Variants in LUZP2 observed in about 807,000 individuals in gnomAD.
The protein encoded by LUZP2 is leucine zipper protein 2.
Under a neutral mutation model 51.6 loss-of-function variants are expected in LUZP2, and 52 were observed. That is an observed-to-expected ratio of 1.01 (90% confidence interval 0.81 to 1.27). The LOEUF (loss-of-function observed/expected upper bound fraction) is 1.27. LUZP2 is among the 50% of genes most tolerant of loss of function. The pLI, the probability that LUZP2 is intolerant of heterozygous loss-of-function variation, is 0.00. For synonymous variants in LUZP2, 154 were observed against 137.3 expected, an observed-to-expected ratio of 1.12 and a Z score of -0.85; for missense variants, 436 against 395.4, an observed-to-expected ratio of 1.10 and a Z score of -0.87.
At chr11:24,756,069 C>T (rs1859762402) in intron 4 of LUZP2, among the ~76,000 whole-genome samples, 1 of 152,112 alleles carries the variant, frequency 6.6e-6, no homozygotes, top group Non-Finnish European at 1.5e-5. Flanking sequence ...TCACCACCCC[C>T]CTTATGTTAA....
intron 5 of LUZP2, among the ~76,000 whole-genome samples, chr11:24,876,259 T>C (rs11028243): frequency 0.05 from 7,330 of 147,508 alleles, 563 homozygotes; most frequent in African/African-American, 0.17. Context: ...TAATCCATCT[T>C]GAATTAATTT....
chr11:25,006,359 T>A (rs1447610326), intron 9 of LUZP2, among the ~76,000 whole-genome samples: 1 of 152,136 alleles, frequency 6.6e-6, no homozygotes, highest in African/African-American at 2.4e-5. Flanking sequence ...GCGACATGAC[T>A]TTGATAGTTC....
chr11:24,587,772 T>C (rs1322817976), intron 1 of LUZP2, among the ~76,000 whole-genome samples: 2 of 152,114 alleles, frequency 1.3e-5, no homozygotes, highest in Non-Finnish European at 2.9e-5. Flanking sequence ...TTTTTCAGTC[T>C]AGACAGTTTT....
intron 1 of LUZP2, among the ~76,000 whole-genome samples, chr11:24,515,906 C>A (rs2133787734): frequency 1.3e-5 from 2 of 152,162 alleles, no homozygotes. Flanking sequence ...AATTTTTTGT[C>A]CTGTCATGTT....
At chr11:24,745,427 C>T (rs1342067636) in intron 4 of LUZP2, among the ~76,000 whole-genome samples, 1 of 152,072 alleles carries the variant, frequency 6.6e-6, no homozygotes, top group Non-Finnish European at 1.5e-5. Flanking sequence ...GTGATATTTT[C>T]TTGTTGGACA....
At chr11:24,835,489 C>A (rs890621992) in intron 5 of LUZP2, among the ~76,000 whole-genome samples, 4 of 152,080 alleles carry the variant, frequency 2.6e-5, no homozygotes, top group African/African-American at 7.2e-5. Context: ...AGCTTCTGCA[C>A]AGCAAAATAA....
At chr11:24,910,641 C>T (rs1853598429) in intron 6 of LUZP2, among the ~76,000 whole-genome samples, 1 of 152,212 alleles carries the variant, frequency 6.6e-6, no homozygotes, top group Non-Finnish European at 1.5e-5. Context: ...GTTTGGGAAC[C>T]TCCACCTACA....
At chr11:25,016,651 C>G (rs1219482886) in intron 9 of LUZP2, among the ~76,000 whole-genome samples, 2 of 151,684 alleles carry the variant, frequency 1.3e-5, no homozygotes, top group African/African-American at 4.8e-5. Flanking sequence ...GTGTGTACCA[C>G]ATTTTCTTTA....
intron 5 of LUZP2, among the ~76,000 whole-genome samples, chr11:24,799,640 A>G (rs1332491621): frequency 2.0e-5 from 3 of 152,044 alleles, no homozygotes; most frequent in Non-Finnish European, 4.4e-5. Flanking sequence ...AGTGAGTTCA[A>G]GTATTAGGTC....
chr11:25,027,887 T>TAA (rs1565249902), intron 9 of LUZP2, among the ~76,000 whole-genome samples: 36 of 68,546 alleles, frequency 5.3e-4, no homozygotes, highest in African/African-American at 1.5e-3. Flanking sequence ...AAAAAAAAGG[T>TAA]GTTTAGATTT....
rs147120249 is a variant in LUZP2, at chr11:24,768,202, C to T, written c.396+4894C>T. On this transcript the variant is annotated intron_variant, in intron 5 of 11. Coordinates refer to ENST00000336930, the MANE Select transcript of LUZP2 (RefSeq NM_001009909.4). ...TGGCTGGAGCGCAGTGGTGCCATCTCAGCTCACTGCAACCTCCACCTCCTG... is the reference window on the plus strand; with the variant it reads ...TGGCTGGAGCGCAGTGGTGCCATCTTAGCTCACTGCAACCTCCACCTCCTG... 4.3e-4 allele frequency among the ~76,000 whole-genome samples: 66 copies of T among 152,174 alleles called. No homozygotes were observed. The East Asian group carries it at 5.6e-3, about 13-fold the overall frequency.
intron 7 of LUZP2, among the ~76,000 whole-genome samples, chr11:24,947,759 C>T (rs1202965492): frequency 1.3e-5 from 2 of 151,778 alleles, no homozygotes; most frequent in African/African-American, 4.8e-5. Context: ...TTTTATCCTT[C>T]AATACTTTGA....
chr11:24,811,307 C>G (rs994597810), intron 5 of LUZP2, among the ~76,000 whole-genome samples: 1 of 152,086 alleles, frequency 6.6e-6, no homozygotes, highest in African/African-American at 2.4e-5. Context: ...ATCACTTTTA[C>G]CGGTTTTGCT....
At chr11:24,944,138 T>G (rs993064856) in intron 7 of LUZP2, among the ~76,000 whole-genome samples, 1 of 152,204 alleles carries the variant, frequency 6.6e-6, no homozygotes, top group Non-Finnish European at 1.5e-5. Context: ...CTGAAGATCT[T>G]TAAAATTTTT....
intron 5 of LUZP2, among the ~76,000 whole-genome samples, chr11:24,864,170 T>C (rs925610978): frequency 2.0e-5 from 3 of 152,190 alleles, no homozygotes; most frequent in African/African-American, 7.2e-5. Flanking sequence ...AGTGTAATTA[T>C]AGTGTACTTA....
chr11:24,682,623 T>C (rs1856777497), intron 1 of LUZP2, among the ~76,000 whole-genome samples: 1 of 98,812 alleles, frequency 1.0e-5, no homozygotes, highest in South Asian at 3.8e-4. Flanking sequence ...TGTGTATATA[T>C]ATATATACAC....
At chr11:25,056,811 T>C (rs930534571) in intron 10 of LUZP2, among the ~76,000 whole-genome samples, 2 of 152,122 alleles carry the variant, frequency 1.3e-5, no homozygotes, top group Admixed American at 1.3e-4. Context: ...TTAAACACTT[T>C]GAGAAATTGC....
chr11:24,523,829 G>T (rs1455659993), intron 1 of LUZP2, among the ~76,000 whole-genome samples: 1 of 151,566 alleles, frequency 6.6e-6, no homozygotes, highest in Admixed American at 6.6e-5. Flanking sequence ...GGCCTTAGAG[G>T]CAGTGGGGCA....
chr11:24,538,895 TC>T (rs1473220298), intron 1 of LUZP2, among the ~76,000 whole-genome samples: 2 of 151,314 alleles, frequency 1.3e-5, no homozygotes, highest in African/African-American at 4.9e-5. Context: ...CTAAAGGTTC[TC>T]ACCTAGATGG....
Sources: gnomAD v4.1 joint callset for allele counts (sites outside exome capture counted in the v4.1 genomes callset) on GRCh38, gnomAD v4.1.1 for gene constraint, MANE v1.5 for transcripts, NCBI Gene and HGNC (gene_info 2026-07-23, HGNC 2026-07-21) for gene names.